DUSP22: variants seen among roughly 807,000 people sequenced by gnomAD.
DUSP22 encodes the protein dual specificity protein phosphatase 22.
Under a neutral mutation model 24.5 loss-of-function variants are expected in DUSP22, and 24 were observed. The ratio of observed to expected loss-of-function variants is 0.98; its 90% CI spans 0.71 to 1.38. The LOEUF (loss-of-function observed/expected upper bound fraction) is 1.38, where lower values mean the gene tolerates loss of function less well. Among genes scored for constraint, DUSP22 ranks in the 40% most tolerant of loss-of-function variants. The pLI, the probability that DUSP22 is intolerant of heterozygous loss-of-function variation, is 0.00. For missense variants in DUSP22, 330 were observed against 269.2 expected (o/e 1.23, Z -1.58); for synonymous variants, 160 against 106.4 (o/e 1.50, Z -3.10).
rs1760141905 is a variant in DUSP22, at chr6:350,430, G to T, written c.*1479G>T. 2 of 1,123,390 alleles carry T rather than the reference G, an allele frequency of 1.8e-6. No homozygotes were observed. Among genetic ancestry groups the T allele is most frequent in the African/African-American group, 1.6e-5 (1 of 60,946 alleles). 69.6% of individuals were successfully genotyped at this position (1,123,390 alleles called of 1,614,324 possible). On this transcript the variant is annotated 3_prime_UTR_variant, in exon 7 of 7. Transcript: ENST00000419235. ...ATACTCGACCTCTCCCTAAAAAGAT[G>T]TTGCAACCCAGTTTCTCTGAATTCC...
At chr6:326,253 G>C in intron 3 of DUSP22, 1 of 240,660 alleles carries the variant, frequency 4.2e-6, no homozygotes, top group Non-Finnish European at 7.8e-6. Flanking sequence ...CTGGTGCCTG[G>C]AGTCATCTTC....
At chr6:342,380 G>C (rs531493953) in intron 4 of DUSP22, among the ~76,000 whole-genome samples, 2 of 152,300 alleles carry the variant, frequency 1.3e-5, no homozygotes, top group African/African-American at 2.4e-5. Context: ...ACAGCAGCGT[G>C]AGCAGCCTGG....
chr6:332,328 C>T (rs947123887), intron 3 of DUSP22, among the ~76,000 whole-genome samples: 12 of 152,304 alleles, frequency 7.9e-5, no homozygotes, highest in African/African-American at 1.9e-4. Flanking sequence ...GCTGCAGCTC[C>T]ACACGCCCAC....
rs547775174 is a variant in DUSP22 at position 312,792 on chromosome 6, C to T, written c.138+830C>T. Among the ~76,000 whole-genome samples the T allele has an allele frequency of 7.2e-5, 11 of 152,408 alleles. No individual in the cohort carries two copies. The South Asian group carries it at 2.1e-3, about 29-fold the overall frequency. Reference sequence around the variant, plus strand: ...TTCAAATGTATCTATTTTCTTTAGCCATTAGGGCTGCCAGATTTTAGTTAG... The same window carrying T: ...TTCAAATGTATCTATTTTCTTTAGCTATTAGGGCTGCCAGATTTTAGTTAG... On this transcript the variant is annotated intron_variant, in intron 3 of 6. Coordinates refer to ENST00000419235, the MANE Select transcript of DUSP22 (RefSeq NM_001286555.3).
At chr6:332,899 C>T (rs1330452479) in intron 3 of DUSP22, among the ~76,000 whole-genome samples, 3 of 152,290 alleles carry the variant, frequency 2.0e-5, no homozygotes, top group African/African-American at 7.2e-5. Context: ...GAAAGGATTT[C>T]ACAAGCTTCT....
chr6:343,182 G>A (rs879524474), intron 4 of DUSP22, among the ~76,000 whole-genome samples: 132 of 152,346 alleles, frequency 8.7e-4, no homozygotes, highest in Middle Eastern at 3.4e-3. Flanking sequence ...ACATCTGGGT[G>A]CAGGTATTCT....
intron 3 of DUSP22, among the ~76,000 whole-genome samples, chr6:322,432 C>T (rs1172521005): frequency 2.0e-5 from 3 of 152,304 alleles, no homozygotes; most frequent in Admixed American, 6.5e-5. Context: ...GTACTCTGGC[C>T]CCAGTGTAGA....
At chr6:336,092 TATC>T (rs1351487012) in intron 4 of DUSP22, among the ~76,000 whole-genome samples, 40 of 152,410 alleles carry the variant, frequency 2.6e-4, no homozygotes, top group African/African-American at 9.6e-4. Context: ...GACCTGGAAA[TATC>T]ATGATGTGGA....
chr6:309,708 A>T (rs1398789509), intron 2 of DUSP22, among the ~76,000 whole-genome samples: 1 of 36,932 alleles, frequency 2.7e-5, no homozygotes, highest in East Asian at 7.1e-4. Flanking sequence ...ACACACACAC[A>T]CACACACACA....
intron 1 of DUSP22, among the ~76,000 whole-genome samples, chr6:296,412 GGACTCAAA>G (rs1189003496): frequency 2.6e-5 from 4 of 152,306 alleles, no homozygotes; most frequent in African/African-American, 9.6e-5. Flanking sequence ...AGCAGAGCCT[GGACTCAAA>G]GCCACAGTCT....
chr6:323,541 G>T (rs1253891220), intron 3 of DUSP22, among the ~76,000 whole-genome samples: 1 of 152,306 alleles, frequency 6.6e-6, no homozygotes, highest in Non-Finnish European at 1.5e-5. Context: ...GGCTAGTGGG[G>T]GTTAATCCAC....
rs1352073398 is a variant in DUSP22, at chr6:348,763, C to T, written c.436-6C>T. 1.2e-6 allele frequency: 2 copies of T among 1,614,296 alleles called. No individual in the cohort carries two copies. The highest frequency in any genetic ancestry group is 1.7e-5 in the Admixed American group (1 of 60,034). ...GACGTTTCGGGTTTGTTTCCATCCT[C>T]TCCAGTATCGGCAGTGGCTGAAGGA... On this transcript the variant is annotated splice_polypyrimidine_tract_variant and splice_region_variant and intron_variant, in intron 6 of 6. Coordinates refer to ENST00000419235, the MANE Select transcript of DUSP22 (RefSeq NM_001286555.3).
chr6:308,965 T>G (rs962640464), intron 2 of DUSP22, among the ~76,000 whole-genome samples: 1 of 152,312 alleles, frequency 6.6e-6, no homozygotes, highest in Non-Finnish European at 1.5e-5. Flanking sequence ...CTCCAGGTTC[T>G]GTGAGCGCTG....
chr6:300,329 G>T (rs536953282), intron 1 of DUSP22, among the ~76,000 whole-genome samples: 52 of 152,404 alleles, frequency 3.4e-4, no homozygotes, highest in African/African-American at 1.2e-3. Context: ...ACTCCTGAAA[G>T]GTCTCCCTTG....
intron 1 of DUSP22, among the ~76,000 whole-genome samples, chr6:303,737 A>G (rs576051197): frequency 6.6e-6 from 1 of 152,306 alleles, no homozygotes; most frequent in Non-Finnish European, 1.5e-5. Flanking sequence ...CAGAGTGTCC[A>G]TGCAAAGTGC....
intron 3 of DUSP22, among the ~76,000 whole-genome samples, chr6:322,414 G>A (rs1009694227): frequency 1.1e-4 from 17 of 152,292 alleles, no homozygotes; most frequent in East Asian, 1.9e-4. Flanking sequence ...CTGCAGGGGC[G>A]CCTCAGGGTA....
At position 305,159 on chromosome 6, in the gene DUSP22, C is replaced by G. The variant is rs567546565; in HGVS notation, c.55+498C>G. Among the ~76,000 whole-genome samples the G allele has an allele frequency of 1.1e-4, 17 of 152,420 alleles. No individual in the cohort carries two copies. In the East Asian group the frequency reaches 3.3e-3, roughly 29 times the overall value. On this transcript the variant is annotated intron_variant, in intron 2 of 6. Coordinates refer to ENST00000419235, the MANE Select transcript of DUSP22 (RefSeq NM_001286555.3). Reference sequence around the variant, plus strand: ...TTTTTAAAAGATCAGCTTTAGACTTCTCATGGGTGAGATTGACAGGCAAAG... The same window carrying G: ...TTTTTAAAAGATCAGCTTTAGACTTGTCATGGGTGAGATTGACAGGCAAAG...
At chr6:313,787 G>A (rs1275396170) in intron 3 of DUSP22, among the ~76,000 whole-genome samples, 1 of 152,306 alleles carries the variant, frequency 6.6e-6, no homozygotes. Context: ...AATTTCACAA[G>A]TAATTCATGA....
At chr6:303,403 C>A (rs1048922525) in intron 1 of DUSP22, among the ~76,000 whole-genome samples, 5 of 152,306 alleles carry the variant, frequency 3.3e-5, no homozygotes, top group African/African-American at 1.2e-4. Context: ...CTAGCACTGC[C>A]GCCCTGACAT....
Sources: allele counts gnomAD v4.1 joint callset (sites outside exome capture counted in the v4.1 genomes callset), GRCh38; gene constraint gnomAD v4.1.1; transcripts MANE v1.5; gene names NCBI Gene and HGNC (gene_info 2026-07-23, HGNC 2026-07-21).